The following SLCO1B3 variants were observed in gnomAD, a reference collection of about 807,000 sequenced individuals.
SLCO1B3 encodes the protein solute carrier organic anion transporter family member 1B3, also known as liver-specific organic anion transporter 2.
A neutral mutation model predicts 71.8 loss-of-function variants in SLCO1B3; 72 were observed. The ratio of observed to expected loss-of-function variants is 1.00; its 90% CI spans 0.83 to 1.22. The LOEUF is 1.22. Among genes scored for constraint, SLCO1B3 ranks in the 50% most tolerant of loss-of-function variants. The probability of loss-of-function intolerance (pLI) is 0.00; values close to 1 mark genes in which losing one functional copy is unlikely to be tolerated. For missense variants in SLCO1B3, 911 were observed against 819.7 expected (o/e 1.11, Z -1.36); for synonymous variants, 298 against 278.4 (o/e 1.07, Z -0.70).
At chr12:20,836,302 A>G (rs1311442168) in intron 3 of SLCO1B3, among the ~76,000 whole-genome samples, 1 of 152,166 alleles carries the variant, frequency 6.6e-6, no homozygotes, top group Non-Finnish European at 1.5e-5. Flanking sequence ...ACATGAATTG[A>G]TTTTCATACA....
chr12:20,825,930 T>TG (rs1864412690), intron 3 of SLCO1B3, among the ~76,000 whole-genome samples: 1 of 152,092 alleles, frequency 6.6e-6, no homozygotes, highest in Non-Finnish European at 1.5e-5. Context: ...TCTCAATTTT[T>TG]CTAAGCAAAT....
intron 15 of SLCO1B3, among the ~76,000 whole-genome samples, chr12:20,913,475 C>T (rs1461838258): frequency 2.0e-5 from 3 of 152,118 alleles, no homozygotes; most frequent in Admixed American, 1.3e-4. Context: ...TACATGCTTA[C>T]ATGTTAAGTA....
chr12:20,875,801 T>C (rs991010203), intron 9 of SLCO1B3, among the ~76,000 whole-genome samples: 2 of 152,100 alleles, frequency 1.3e-5, no homozygotes, highest in African/African-American at 2.4e-5. Context: ...GATTATAATT[T>C]TTCATTCATT....
intron 9 of SLCO1B3, 60 bp downstream of exon 9, chr12:20,875,537 G>A: frequency 6.6e-7 from 1 of 1,514,470 alleles, no homozygotes. Flanking sequence ...ACGGAGAAGT[G>A]AGTAAAAAAA....
intron 12 of SLCO1B3, among the ~76,000 whole-genome samples, chr12:20,882,372 A>T (rs1474347432): frequency 6.6e-6 from 1 of 152,274 alleles, no homozygotes; most frequent in East Asian, 1.9e-4. Context: ...GGAAAAAAGG[A>T]ATCTTTCTTG....
intron 8 of SLCO1B3, among the ~76,000 whole-genome samples, chr12:20,869,140 A>T (rs1405702288): frequency 6.6e-6 from 1 of 150,760 alleles, no homozygotes; most frequent in East Asian, 1.9e-4. Flanking sequence ...TCCCCCGGGG[A>T]AAGGGTGACT....
At chr12:20,873,137 AG>A (rs1173003237) in intron 8 of SLCO1B3, among the ~76,000 whole-genome samples, 1 of 152,208 alleles carries the variant, frequency 6.6e-6, no homozygotes, top group Non-Finnish European at 1.5e-5. Flanking sequence ...GCTTAAATCT[AG>A]GGGCAGGAAG....
rs1467411302 is a variant in SLCO1B3 at position 20,883,612 on chromosome 12, A to G, written c.1682+10A>G. 6.4e-7 allele frequency: 1 copy of G among 1,558,304 alleles called. No individual in the cohort carries two copies. Among genetic ancestry groups the G allele is most frequent in the Non-Finnish European group, 8.7e-7 (1 of 1,150,978 alleles). On this transcript the variant is annotated intron_variant, in intron 13 of 15. Transcript: ENST00000381545. ...TCTTGTTGACTGTGAAGTAAGTATG[A>G]TCCTGTAAAACATTGTCATGTATAT...
chr12:20,878,043 A>G (rs145899325), intron 10 of SLCO1B3, 107 bp downstream of exon 10: 2 of 741,500 alleles, frequency 2.7e-6, no homozygotes, highest in Non-Finnish European at 4.2e-6. Flanking sequence ...TACTAAATGT[A>G]ATCTTATTAT....
chr12:20,858,501 A>T lies in SLCO1B3; in HGVS notation c.289A>T (p.Ile97Phe). The stretch of plus-strand genomic sequence containing the variant: ...ATCTAAACTACACAGACCGAAGTTA[A>T]TTGGAATTGGTTGTCTCCTTATGGG... ...FGSKLHRPKL[I>F]GIGCLLMGTG... The change falls in exon 5 of 16, where the codon ATT becomes TTT. Residue 97 changes from isoleucine (I) to phenylalanine (F), a missense_variant. Coordinates refer to ENST00000381545, the MANE Select transcript of SLCO1B3 (RefSeq NM_019844.4). 1 of 1,598,534 alleles carries T rather than the reference A, an allele frequency of 6.3e-7. No individual in the cohort carries two copies. The highest frequency in any genetic ancestry group is 8.6e-7 in the Non-Finnish European group (1 of 1,165,808).
intron 15 of SLCO1B3, among the ~76,000 whole-genome samples, chr12:20,905,140 C>G (rs986585472): frequency 2.3e-4 from 35 of 152,292 alleles, no homozygotes; most frequent in Admixed American, 4.6e-4. Context: ...CTTGACTCCC[C>G]TTAGCCATGG....
chr12:20,879,541 C>A lies in SLCO1B3; in HGVS notation c.1241C>A (p.Thr414Asn), dbSNP rs146940490. Residue 414 changes from threonine (T) to asparagine (N), a missense_variant, in exon 11 of 16, where the codon ACT becomes AAT. Transcript: ENST00000381545. ...GGAATTGCCAAATTTTCATTTCTTA[C>A]TTCGATGATATCCTTCTTGTTTCAA... Reference protein sequence around the residue: ...LVGIAKFSFLTSMISFLFQLL... With the variant: ...LVGIAKFSFLNSMISFLFQLL... The A allele has an allele frequency of 4.9e-5, 79 of 1,611,882 alleles. No individual in the cohort carries two copies. Among genetic ancestry groups the A allele is most frequent in the Non-Finnish European group, 6.6e-5 (78 of 1,178,562 alleles).
intron 13 of SLCO1B3, among the ~76,000 whole-genome samples, chr12:20,886,207 G>A (rs1051515450): frequency 3.9e-5 from 6 of 152,002 alleles, no homozygotes; most frequent in African/African-American, 1.4e-4. Flanking sequence ...GGGTAGTTTG[G>A]AGGAAGTAGA....
At chr12:20,884,796 G>A (rs1865761363) in intron 13 of SLCO1B3, among the ~76,000 whole-genome samples, 1 of 150,226 alleles carries the variant, frequency 6.7e-6, no homozygotes, top group Non-Finnish European at 1.5e-5. Context: ...AACCAACAAT[G>A]TGTTTTAACT....
At position 20,916,251 on chromosome 12, in the gene SLCO1B3, T is replaced by A. The variant is rs1866495186; in HGVS notation, c.*4T>A. 1.9e-6 allele frequency: 3 copies of A among 1,610,302 alleles called. No individual in the cohort carries two copies. Among genetic ancestry groups the A allele is most frequent in the Non-Finnish European group, 1.7e-6 (2 of 1,177,750 alleles). On this transcript the variant is annotated 3_prime_UTR_variant, in exon 16 of 16. Transcript: ENST00000381545. The stretch of plus-strand genomic sequence containing the variant: ...AGACAATGCTGCTGCCAACTAACAT[T>A]GCATTGATTCATTAAGATGTTATTT...
intron 13 of SLCO1B3, among the ~76,000 whole-genome samples, chr12:20,892,689 AAG>A (rs1440590276): frequency 1.3e-5 from 2 of 152,178 alleles, no homozygotes; most frequent in Non-Finnish European, 2.9e-5. Flanking sequence ...TCAGATGAGA[AAG>A]AGGAGGAAGA....
chr12:20,870,574 A>G (rs192285135), intron 8 of SLCO1B3, among the ~76,000 whole-genome samples: 1 of 152,268 alleles, frequency 6.6e-6, no homozygotes. Flanking sequence ...TCTCAACACC[A>G]TTTATCAGAG....
chr12:20,827,320 A>G (rs758310797), intron 3 of SLCO1B3, among the ~76,000 whole-genome samples: 10 of 152,232 alleles, frequency 6.6e-5, no homozygotes, highest in Non-Finnish European at 1.2e-4. Context: ...CTTATTTATT[A>G]AGGATTTTCT....
intron 3 of SLCO1B3, among the ~76,000 whole-genome samples, chr12:20,844,776 T>A (rs1160166991): frequency 6.6e-6 from 1 of 151,966 alleles, no homozygotes; most frequent in Admixed American, 6.6e-5. Flanking sequence ...ATGCCTGTAA[T>A]CCCAGCACTT....
Sources: gnomAD v4.1 joint callset for allele counts (sites outside exome capture counted in the v4.1 genomes callset) on GRCh38, gnomAD v4.1.1 for gene constraint, MANE v1.5 for transcripts, NCBI Gene and HGNC (gene_info 2026-07-23, HGNC 2026-07-21) for gene names.